MOSMO: variants seen among roughly 807,000 people sequenced by gnomAD.
MOSMO encodes the protein modulator of smoothened.
A neutral mutation model predicts 18.4 loss-of-function variants in MOSMO; 5 were observed. That is an observed-to-expected ratio of 0.27 (90% confidence interval 0.14 to 0.57). The LOEUF (loss-of-function observed/expected upper bound fraction) is 0.57, where lower values mean the gene tolerates loss of function less well. MOSMO is among the 20% of genes least tolerant of loss of function. MOSMO has a pLI of 0.92. For synonymous variants in MOSMO, 82 were observed against 82.3 expected, an observed-to-expected ratio of 1.00 and a Z score of 0.02; for missense variants, 138 against 211.8, an observed-to-expected ratio of 0.65 and a Z score of 2.16.
chr16:22,035,571 A>G (rs1054344442), intron 1 of MOSMO, among the ~76,000 whole-genome samples: 6 of 151,770 alleles, frequency 4.0e-5, no homozygotes, highest in African/African-American at 1.5e-4. Flanking sequence ...AGATTTTCCT[A>G]CCTTCATTCA....
chr16:22,056,654 G>T lies in MOSMO; in HGVS notation c.107-18833G>T, dbSNP rs1480557972. Among the ~76,000 whole-genome samples, 4 of 151,748 alleles carry T rather than the reference G, an allele frequency of 2.6e-5. No homozygotes were observed. The East Asian group carries it at 7.8e-4, about 29-fold the overall frequency. Reference sequence around the variant, plus strand: ...CTGCCTCGGCCTCCCAAAGTGCTGGGATTACAGGCATGAGCCACTGTGCCC... The same window carrying T: ...CTGCCTCGGCCTCCCAAAGTGCTGGTATTACAGGCATGAGCCACTGTGCCC... On this transcript the variant is annotated intron_variant, in intron 1 of 2. Transcript: ENST00000542527.
intron 1 of MOSMO, among the ~76,000 whole-genome samples, chr16:22,067,398 T>C (rs1018259056): frequency 1.3e-5 from 2 of 152,168 alleles, no homozygotes; most frequent in Non-Finnish European, 2.9e-5. Context: ...CAAAGTAATA[T>C]ACATTCAGAA....
chr16:22,088,202 AT>A (rs565008442), downstream of MOSMO, among the ~76,000 whole-genome samples: 119 of 151,636 alleles, frequency 7.8e-4, no homozygotes, highest in Middle Eastern at 0.014. Context: ...TAAAAAAAAA[AT>A]TTTTTTTTAT....
At chr16:22,016,507 G>T (rs1180606677) in intron 1 of MOSMO, among the ~76,000 whole-genome samples, 5 of 152,198 alleles carry the variant, frequency 3.3e-5, no homozygotes, top group Non-Finnish European at 5.9e-5. Context: ...TCCAATCTGG[G>T]AAGAGAGACT....
chr16:22,020,563 G>A (rs1027355133), intron 1 of MOSMO, among the ~76,000 whole-genome samples: 1 of 152,026 alleles, frequency 6.6e-6, no homozygotes, highest in Admixed American at 6.5e-5. Context: ...CCAAAGTGCT[G>A]GGATTACAGG....
chr16:22,012,739 G>GA (rs5816166), intron 1 of MOSMO, among the ~76,000 whole-genome samples: 3,506 of 67,098 alleles, frequency 0.052, 50 homozygotes, highest in Middle Eastern at 0.072. Flanking sequence ...AGAAGGAATA[G>GA]AAAAAAAAAA....
At chr16:22,065,564 A>T (rs902544614) in intron 1 of MOSMO, among the ~76,000 whole-genome samples, 2 of 152,200 alleles carry the variant, frequency 1.3e-5, no homozygotes, top group African/African-American at 4.8e-5. Flanking sequence ...TGCAAGTTTC[A>T]TGAGTACACT....
intron 1 of MOSMO, among the ~76,000 whole-genome samples, chr16:22,068,035 A>C (rs1234952088): frequency 1.3e-5 from 2 of 152,254 alleles, no homozygotes; most frequent in African/African-American, 4.8e-5. Flanking sequence ...GAAATACTAA[A>C]GTGTGTCCAC....
chr16:22,056,933 T>A (rs1490353376), intron 1 of MOSMO, among the ~76,000 whole-genome samples: 3 of 152,226 alleles, frequency 2.0e-5, no homozygotes, highest in Admixed American at 1.3e-4. Context: ...GATATGTCCC[T>A]AAAATATAGC....
chr16:22,077,454 T>C (rs573333179), intron 2 of MOSMO, among the ~76,000 whole-genome samples: 1 of 152,302 alleles, frequency 6.6e-6, no homozygotes, highest in South Asian at 2.1e-4. Flanking sequence ...AGGGTAACCA[T>C]GTGAAATCAT....
intron 1 of MOSMO, among the ~76,000 whole-genome samples, chr16:22,026,250 ACT>A (rs1457031007): frequency 5.9e-5 from 8 of 135,684 alleles, no homozygotes; most frequent in African/African-American, 2.2e-4. Flanking sequence ...ACAGGATCTC[ACT>A]CTGTCGCCCA....
In MOSMO at chr16:22,026,215, C is replaced by CTT. The variant is rs1230886620; in HGVS notation, c.106+17827_106+17828dup. Among the ~76,000 whole-genome samples the CTT allele has an allele frequency of 5.1e-3, 621 of 122,102 alleles. 5 individuals are homozygous for CTT. Among genetic ancestry groups the CTT allele is most frequent in the Middle Eastern group, 0.027 (6 of 222 alleles). The allele number at this position is 122,102 out of a possible 152,430, so 80.1% of individuals were successfully genotyped here. On this transcript the variant is annotated intron_variant, in intron 1 of 2. Transcript: ENST00000542527. ...AAGTTGGATATGAGAGAATTGCATT[C>CTT]TTTTTTTTTTTTTTTTTTTTGGAGA...
intron 1 of MOSMO, among the ~76,000 whole-genome samples, chr16:22,040,635 TG>T (rs1304186436): frequency 6.6e-6 from 1 of 151,974 alleles, no homozygotes; most frequent in African/African-American, 2.4e-5. Flanking sequence ...TGAAACAAAA[TG>T]GGGGAAGTCA....
chr16:22,058,394 C>T (rs977180122), intron 1 of MOSMO, among the ~76,000 whole-genome samples: 1 of 148,170 alleles, frequency 6.7e-6, no homozygotes, highest in African/African-American at 2.5e-5. Context: ...CCACTGCTCT[C>T]TAGCCTGGGT....
chr16:22,046,124 A>G (rs1035414769), intron 1 of MOSMO, among the ~76,000 whole-genome samples: 7 of 149,676 alleles, frequency 4.7e-5, no homozygotes, highest in Admixed American at 1.4e-4. Context: ...TCACCATGAA[A>G]AGCAGGCAGC....
chr16:22,018,562 G>A (rs1899688425), intron 1 of MOSMO, among the ~76,000 whole-genome samples: 1 of 152,094 alleles, frequency 6.6e-6, no homozygotes, highest in African/African-American at 2.4e-5. Flanking sequence ...CTATGCGATT[G>A]GACTTCATTC....
chr16:22,087,378 T>A (rs1901205025), downstream of MOSMO: 3 of 152,198 alleles, frequency 2.0e-5, no homozygotes, highest in Non-Finnish European at 4.4e-5. Context: ...GTGTATTTGG[T>A]CACTATTAAA....
intron 1 of MOSMO, among the ~76,000 whole-genome samples, chr16:22,015,394 T>C (rs577597832): frequency 2.6e-5 from 4 of 152,300 alleles, no homozygotes; most frequent in Non-Finnish European, 5.9e-5. Flanking sequence ...ATTTCTTTTT[T>C]ATTGCCAAGT....
chr16:22,075,564 C>A lies in MOSMO; in HGVS notation c.184C>A (p.Pro62Thr), dbSNP rs1420038392. The A allele has an allele frequency of 2.6e-6, 4 of 1,537,276 alleles. No individual in the cohort carries two copies. The highest frequency in any genetic ancestry group is 1.4e-5 in the African/African-American group (1 of 73,174). Reference protein sequence around the residue: ...RDRTCIPPRLPPEWVTTLFFI... With the variant: ...RDRTCIPPRLTPEWVTTLFFI... The stretch of plus-strand genomic sequence containing the variant: ...CCGGACGTGCATCCCTCCCCGGCTT[C>A]CCCCGGAGTGGGTCACCACACTGTT... The change falls in exon 2 of 3, where the codon CCC becomes ACC. Residue 62 changes from proline (P) to threonine (T), a missense_variant. By Grantham distance (38) the Pro-to-Thr change is conservative. Transcript: ENST00000542527.
Sources: allele counts gnomAD v4.1 joint callset (sites outside exome capture counted in the v4.1 genomes callset), GRCh38; gene constraint gnomAD v4.1.1; transcripts MANE v1.5; gene names NCBI Gene and HGNC (gene_info 2026-07-23, HGNC 2026-07-21).